The following SFI1 variants were observed in gnomAD, a reference collection of about 807,000 sequenced individuals.
SFI1 encodes the protein SFI1 centrin binding protein.
Under a neutral mutation model 207.5 loss-of-function variants are expected in SFI1, and 195 were observed. That is an observed-to-expected ratio of 0.94 (90% CI 0.84 to 1.06). SFI1 has a LOEUF of 1.06. SFI1 is among the 50% of genes least tolerant of loss of function. SFI1 has a pLI of 0.00. For synonymous variants in SFI1, 630 were observed against 598.9 expected (o/e 1.05, Z -0.76); for missense variants, 1,634 against 1,588.0 (o/e 1.03, Z -0.49).
intron 1 of SFI1, among the ~76,000 whole-genome samples, chr22:31,506,813 GAC>G (rs2054711995): frequency 6.6e-6 from 1 of 152,044 alleles, no homozygotes; most frequent in Non-Finnish European, 1.5e-5. Flanking sequence ...GGAAGTGAAA[GAC>G]CTCTTCAAGT....
chr22:31,508,008 G>A (rs533001774), intron 1 of SFI1, among the ~76,000 whole-genome samples: 2 of 152,140 alleles, frequency 1.3e-5, no homozygotes, highest in South Asian at 2.1e-4. Context: ...CCCAGGAGGT[G>A]GAGGTTGCAG....
chr22:31,542,101 T>TTA lies in SFI1; in HGVS notation c.339-4760_339-4759insTA, dbSNP rs1555978995. The stretch of plus-strand genomic sequence containing the variant: ...GGGTGACAGAGTGAGACCCCGTCTT[T>TTA]AAAAAAAAAAAAAAAAAAAGAAATG... On this transcript the variant is annotated intron_variant, in intron 4 of 32. Transcript: ENST00000400288. Among the ~76,000 whole-genome samples, 28 of 114,430 alleles carry TTA rather than the reference T, an allele frequency of 2.4e-4. 3 individuals carry two copies. Among genetic ancestry groups the TTA allele is most frequent in the Admixed American group, 2.1e-3 (21 of 9,848 alleles). 75.1% of individuals were successfully genotyped at this position (114,430 alleles called of 152,430 possible).
intron 4 of SFI1, chr22:31,538,600 T>C (rs189886591): frequency 6.5e-6 from 1 of 152,982 alleles, no homozygotes; most frequent in Non-Finnish European, 1.5e-5. Flanking sequence ...CCTGTTTTTG[T>C]TAAAGTCACT....
intron 2 of SFI1, among the ~76,000 whole-genome samples, chr22:31,516,185 C>T (rs2056466851): frequency 6.6e-6 from 1 of 151,954 alleles, no homozygotes; most frequent in Non-Finnish European, 1.5e-5. Context: ...TATCTTCTCC[C>T]TCTGCTCTCT....
At chr22:31,579,008 A>G (rs1603128447) in intron 11 of SFI1, among the ~76,000 whole-genome samples, 1 of 152,306 alleles carries the variant, frequency 6.6e-6, no homozygotes, top group East Asian at 1.9e-4. Flanking sequence ...ATTATTTTTT[A>G]GAGATGCGGT....
intron 3 of SFI1, among the ~76,000 whole-genome samples, chr22:31,529,646 G>T (rs565565039): frequency 2.6e-5 from 4 of 152,152 alleles, no homozygotes; most frequent in East Asian, 1.9e-4. Flanking sequence ...AATCAGGTAG[G>T]CTTGATAGAC....
At chr22:31,518,663 C>G (rs2056837820) in intron 2 of SFI1, among the ~76,000 whole-genome samples, 1 of 152,154 alleles carries the variant, frequency 6.6e-6, no homozygotes, top group Non-Finnish European at 1.5e-5. Flanking sequence ...AAGGCTGACC[C>G]TTGGCTGGTG....
At chr22:31,563,224 C>G (rs972955704) in intron 8 of SFI1, among the ~76,000 whole-genome samples, 7 of 151,758 alleles carry the variant, frequency 4.6e-5, no homozygotes, top group African/African-American at 9.7e-5. Flanking sequence ...AACTCCTGAG[C>G]TCAGGCAATC....
intron 4 of SFI1, among the ~76,000 whole-genome samples, chr22:31,544,788 A>G (rs1822947805): frequency 1.3e-5 from 2 of 152,146 alleles, no homozygotes; most frequent in Admixed American, 6.6e-5. Context: ...TTACTTTAAC[A>G]TCTTTAATCG....
At chr22:31,564,845 G>T (rs1252823902) in intron 8 of SFI1, among the ~76,000 whole-genome samples, 3 of 110,422 alleles carry the variant, frequency 2.7e-5, no homozygotes, top group Non-Finnish European at 5.2e-5. Context: ...ACGGAGTCTT[G>T]CTCTGTCGCC....
chr22:31,582,792 A>G (rs577757512), intron 12 of SFI1, among the ~76,000 whole-genome samples: 3 of 152,276 alleles, frequency 2.0e-5, no homozygotes, highest in African/African-American at 4.8e-5. Context: ...GAGACCTCAT[A>G]GGTGGAATCA....
chr22:31,514,133 T>C (rs1190355166), intron 2 of SFI1, among the ~76,000 whole-genome samples: 10 of 118,850 alleles, frequency 8.4e-5, no homozygotes, highest in African/African-American at 2.3e-4. Context: ...GGAGTGAAAC[T>C]CCATCTCAAA....
chr22:31,611,678 TG>T, intron 23 of SFI1, 87 bp from the exon 24 acceptor site: 3 of 1,314,714 alleles, frequency 2.3e-6, no homozygotes, highest in Admixed American at 2.1e-5. Flanking sequence ...GACATTCAGC[TG>T]GGCAGAGGCT....
chr22:31,612,392 A>AT (rs1421688039), intron 24 of SFI1: 4 of 107,418 alleles, frequency 3.7e-5, no homozygotes, highest in African/African-American at 1.1e-4. Flanking sequence ...AAAAAAAAAA[A>AT]AAAAAAATAT....
At chr22:31,557,981 T>G (rs981542343) in intron 7 of SFI1, among the ~76,000 whole-genome samples, 1 of 152,200 alleles carries the variant, frequency 6.6e-6, no homozygotes, top group Non-Finnish European at 1.5e-5. Flanking sequence ...AATAATTCAC[T>G]TCCTGCCTGA....
chr22:31,544,068 A>G (rs913649984), intron 4 of SFI1, among the ~76,000 whole-genome samples: 1 of 152,040 alleles, frequency 6.6e-6, no homozygotes, highest in African/African-American at 2.4e-5. Flanking sequence ...GTGTGCCTGG[A>G]GTCACAGCTA....
intron 2 of SFI1, among the ~76,000 whole-genome samples, chr22:31,525,149 GCAGA>G (rs1468123910): frequency 1.3e-5 from 2 of 152,128 alleles, no homozygotes; most frequent in African/African-American, 4.8e-5. Context: ...CCTTTGCTGA[GCAGA>G]AGTTTTTGAG....
intron 7 of SFI1, among the ~76,000 whole-genome samples, chr22:31,558,468 ATTT>A (rs543306404): frequency 4.9e-5 from 7 of 144,014 alleles, no homozygotes; most frequent in African/African-American, 1.0e-4. Context: ...GTCTGAGTGA[ATTT>A]TTTTTTTTTT....
At chr22:31,497,987 T>G (rs2053021108) in intron 1 of SFI1, among the ~76,000 whole-genome samples, 1 of 152,218 alleles carries the variant, frequency 6.6e-6, no homozygotes, top group Non-Finnish European at 1.5e-5. Context: ...GACTTTCAAG[T>G]CATTATTTAA....
Sources: allele counts gnomAD v4.1 joint callset (sites outside exome capture counted in the v4.1 genomes callset), GRCh38; gene constraint gnomAD v4.1.1; transcripts MANE v1.5; gene names NCBI Gene and HGNC (gene_info 2026-07-23, HGNC 2026-07-21).